DHRSX: variants seen among roughly 807,000 people sequenced by gnomAD.
DHRSX encodes the protein polyprenol dehydrogenase.
In DHRSX, 31 loss-of-function variants were observed where a neutral mutation model predicts 34.0. The observed-to-expected ratio is 0.91, with a 90% CI of 0.69 to 1.23. The LOEUF (loss-of-function observed/expected upper bound fraction) is 1.23. Among genes scored for constraint, DHRSX ranks in the 50% most tolerant of loss-of-function variants. The pLI is 0.00. For synonymous variants in DHRSX, 201 were observed against 183.8 expected (o/e 1.09, Z -0.76); for missense variants, 414 against 428.1 (o/e 0.97, Z 0.29).
At chrX:2,294,575 G>T (rs2041906847) in intron 3 of DHRSX, among the ~76,000 whole-genome samples, 2 of 151,576 alleles carry the variant, frequency 1.3e-5, no homozygotes, top group Non-Finnish European at 2.9e-5. Flanking sequence ...TAAGGCAGGA[G>T]AATCGCATGA....
chrX:2,415,654 C>G (rs1234553254), intron 2 of DHRSX, among the ~76,000 whole-genome samples: 1 of 150,980 alleles, frequency 6.6e-6, no homozygotes, highest in Non-Finnish European at 1.5e-5. Flanking sequence ...TGACCTAACC[C>G]AACTAAACCT....
intron 3 of DHRSX, among the ~76,000 whole-genome samples, chrX:2,396,135 GC>G (rs1407332577): frequency 3.3e-5 from 5 of 151,642 alleles, no homozygotes; most frequent in South Asian, 2.1e-4. Flanking sequence ...TCTCCACAAG[GC>G]CTTCTCCTCT....
rs2044668014 is a variant in DHRSX, at chrX:2,475,621, C to T, written c.109+25196G>A. ...GCCAAGGGATCACACTCACTGAAGA[C>T]GTTCCCTAAGCATACAGCCAAGGGA... On this transcript the variant is annotated intron_variant, in intron 1 of 6. Transcript: ENST00000334651. Among the ~76,000 whole-genome samples the T allele has an allele frequency of 2.0e-5, 3 of 151,188 alleles. No homozygotes were observed. The South Asian group carries it at 6.3e-4, about 32-fold the overall frequency.
rs1486210752 is a variant in DHRSX, at chrX:2,291,891, TTTGTA to T, written c.287-293_287-289del. ...ACCAGGCCCAGCTAATTTTTGTATT[TTTGTA>T]TTTTTTTTTTTTTTTTTTTTTTTAG... On this transcript the variant is annotated intron_variant, in intron 3 of 6. Transcript: ENST00000334651. Among the ~76,000 whole-genome samples the T allele has an allele frequency of 9.0e-5, 13 of 144,490 alleles. No homozygotes were observed. The East Asian group carries it at 1.2e-3, about 13-fold the overall frequency. 94.8% of individuals were successfully genotyped at this position (144,490 alleles called of 152,430 possible).
intron 1 of DHRSX, among the ~76,000 whole-genome samples, chrX:2,425,604 T>C (rs1202377249): frequency 6.6e-6 from 1 of 152,206 alleles, no homozygotes; most frequent in Non-Finnish European, 1.5e-5. Flanking sequence ...GCAGAACGGA[T>C]ACCCTTTACA....
chrX:2,407,751 G>A (rs1309206114), intron 3 of DHRSX, among the ~76,000 whole-genome samples: 2 of 151,916 alleles, frequency 1.3e-5, no homozygotes, highest in East Asian at 3.9e-4. Context: ...GGAAAGAGTG[G>A]AATAACAGAG....
chrX:2,326,784 A>C (rs983809888), intron 3 of DHRSX, among the ~76,000 whole-genome samples: 1 of 151,338 alleles, frequency 6.6e-6, no homozygotes, highest in Non-Finnish European at 1.5e-5. Flanking sequence ...AACTGGGGGA[A>C]GGGAAATCTT....
rs1458520390 is a variant in DHRSX at position 2,449,187 on chromosome X, C to G, written c.110-23883G>C. Among the ~76,000 whole-genome samples, 10 of 84,752 alleles carry G rather than the reference C, an allele frequency of 1.2e-4. No individual in the cohort carries two copies. The East Asian group carries it at 2.2e-3, about 19-fold the overall frequency. The allele number at this position is 84,752 out of a possible 152,430, so 55.6% of individuals were successfully genotyped here. A position where few individuals can be genotyped will look rare whatever the true frequency, so the allele number is the denominator to read the frequency against. ...CTGGGCAACAAGAGTAAAACTCTGT[C>G]TCAAAAAAAAAAAAAAATGTGTCCA... On this transcript the variant is annotated intron_variant, in intron 1 of 6. Transcript: ENST00000334651.
At chrX:2,337,885 A>G (rs374267443) in intron 3 of DHRSX, 3 of 152,118 alleles carry the variant, frequency 2.0e-5, no homozygotes, top group South Asian at 2.1e-4. Context: ...CCAGCTTCAT[A>G]GACTGTCTTG....
At chrX:2,270,316 G>A (rs1177199257) in intron 4 of DHRSX, among the ~76,000 whole-genome samples, 2 of 152,010 alleles carry the variant, frequency 1.3e-5, no homozygotes, top group East Asian at 1.9e-4. Flanking sequence ...TGGCCTTATC[G>A]ACCCAACTTT....
At chrX:2,388,444 G>C (rs2043297214) in intron 3 of DHRSX, among the ~76,000 whole-genome samples, 1 of 152,144 alleles carries the variant, frequency 6.6e-6, no homozygotes, top group South Asian at 2.1e-4. Context: ...TGAGGACACA[G>C]ACACACACAG....
chrX:2,359,652 C>G (rs1416582193), intron 3 of DHRSX, among the ~76,000 whole-genome samples: 1 of 151,586 alleles, frequency 6.6e-6, no homozygotes, highest in African/African-American at 2.4e-5. Context: ...ACTCCAGCAG[C>G]CTGGGTGACA....
At chrX:2,322,724 A>G (rs1451811042) in intron 3 of DHRSX, among the ~76,000 whole-genome samples, 1 of 151,448 alleles carries the variant, frequency 6.6e-6, no homozygotes, top group African/African-American at 2.4e-5. Flanking sequence ...GCATACTTTA[A>G]TAATACAGTA....
At chrX:2,322,275 G>A (rs1180660454) in intron 3 of DHRSX, among the ~76,000 whole-genome samples, 2 of 152,064 alleles carry the variant, frequency 1.3e-5, no homozygotes, top group Non-Finnish European at 1.5e-5. Flanking sequence ...CTTATCAGGC[G>A]TGGTGGCTCA....
intron 1 of DHRSX, among the ~76,000 whole-genome samples, chrX:2,452,429 G>A (rs2044235883): frequency 6.6e-6 from 1 of 151,924 alleles, no homozygotes; most frequent in South Asian, 2.1e-4. Context: ...ACACATTGAA[G>A]ACATTCCCTA....
chrX:2,284,430 GAA>G (rs2041779694), intron 4 of DHRSX, among the ~76,000 whole-genome samples: 1 of 151,396 alleles, frequency 6.6e-6, no homozygotes, highest in South Asian at 2.1e-4. Context: ...ATGAATGAAT[GAA>G]TGGGTGAATG....
intron 3 of DHRSX, among the ~76,000 whole-genome samples, chrX:2,371,239 A>C (rs2043056409): frequency 7.2e-6 from 1 of 139,130 alleles, no homozygotes. Flanking sequence ...CCTCCCCATT[A>C]CCATAGTCCC....
chrX:2,334,815 A>T (rs1230958778), intron 3 of DHRSX: 2 of 152,172 alleles, frequency 1.3e-5, no homozygotes, highest in African/African-American at 2.4e-5. Flanking sequence ...ATTTAATTCT[A>T]TAATTGTATA....
chrX:2,397,493 C>T (rs958108882), intron 3 of DHRSX, among the ~76,000 whole-genome samples: 32 of 151,904 alleles, frequency 2.1e-4, no homozygotes, highest in Non-Finnish European at 2.6e-4. Flanking sequence ...TATTTTCACA[C>T]GTGCCGCCTG....
Sources: allele counts gnomAD v4.1 joint callset (sites outside exome capture counted in the v4.1 genomes callset), GRCh38; gene constraint gnomAD v4.1.1; transcripts MANE v1.5; gene names NCBI Gene and HGNC (gene_info 2026-07-23, HGNC 2026-07-21).